The following MCU variants were observed in gnomAD, a reference collection of about 807,000 sequenced individuals.
The protein encoded by MCU is mitochondrial calcium uniporter.
Under a neutral mutation model 45.2 loss-of-function variants are expected in MCU, and 12 were observed. The observed-to-expected ratio is 0.27, with a 90% confidence interval of 0.17 to 0.43. The LOEUF (loss-of-function observed/expected upper bound fraction) is 0.43. Ranked by LOEUF, MCU falls within the 20% of genes least tolerant of loss-of-function variation. MCU has a pLI of 1.00. For synonymous variants in MCU, 160 were observed against 165.1 expected (o/e 0.97, Z 0.24); for missense variants, 324 against 436.7 (o/e 0.74, Z 2.30).
chr10:72,749,273 A>G (rs1228314706), intron 1 of MCU, among the ~76,000 whole-genome samples: 1 of 152,198 alleles, frequency 6.6e-6, no homozygotes, highest in Non-Finnish European at 1.5e-5. Context: ...CGACTGAGTG[A>G]AAAACCTTGC....
At position 72,873,013 on chromosome 10, in the gene MCU, G is replaced by GTTTTT. The variant is rs1193681306; in HGVS notation, c.861+1452_861+1456dup. On this transcript the variant is annotated intron_variant, in intron 6 of 7. Transcript: ENST00000373053. ...TTGTTTTTGTTTTTTTGTTTTTTGGGTTTTTTTTTTTTTTTTTTTTTTTGA... is the reference window on the plus strand; with the variant it reads ...TTGTTTTTGTTTTTTTGTTTTTTGGGTTTTTTTTTTTTTTTTTTTTTTTTTTTTGA... Among the ~76,000 whole-genome samples the GTTTTT allele has an allele frequency of 2.8e-4, 25 of 88,850 alleles. 1 individual carries two copies. Among genetic ancestry groups the GTTTTT allele is most frequent in the East Asian group, 2.0e-3 (6 of 3,048 alleles). 58.3% of individuals were successfully genotyped at this position (88,850 alleles called of 152,430 possible).
At chr10:72,819,156 G>A (rs1261454510) in intron 1 of MCU, among the ~76,000 whole-genome samples, 1 of 152,170 alleles carries the variant, frequency 6.6e-6, no homozygotes, top group Non-Finnish European at 1.5e-5. Flanking sequence ...CAATAGCAGA[G>A]AGGGATTTAG....
rs1257373368 is a variant in MCU, at chr10:72,868,777, T to C, written c.571T>C (p.Cys191Arg). 6.2e-7 allele frequency: 1 copy of C among 1,614,150 alleles called. No homozygotes were observed. The highest frequency in any genetic ancestry group is 1.6e-4 in the Middle Eastern group (1 of 6,062). The change falls in exon 5 of 8, where the codon TGC becomes CGC. Residue 191 changes from cysteine to arginine, a missense_variant. Physicochemically the swap from Cys to Arg is radical, Grantham distance 180 (BLOSUM62 -3). This residue lies in a region of MCU where 135 missense variants were observed against 207.3 expected (regional missense o/e 0.65). Transcript: ENST00000373053. ...TLVQQLYTTL[C>R]IEQHQLNKER... Reference sequence around the variant, plus strand: ...GGTCCAGCAACTATACACCACACTGTGCATTGAGCAGCACCAGTTAAACAA... The same window carrying C: ...GGTCCAGCAACTATACACCACACTGCGCATTGAGCAGCACCAGTTAAACAA...
intron 1 of MCU, among the ~76,000 whole-genome samples, chr10:72,774,038 T>G (rs1389222538): frequency 6.6e-6 from 1 of 152,180 alleles, no homozygotes; most frequent in African/African-American, 2.4e-5. Context: ...GGAAAACTTT[T>G]CAACATATAA....
chr10:72,715,131 CAGTGATTGGCA>C, intron 1 of MCU: 1 of 981,130 alleles, frequency 1.0e-6, no homozygotes, highest in South Asian at 4.7e-5. Context: ...ACCATTCCTA[CAGTGATTGGCA>C]AGATACCGTT....
intron 1 of MCU, among the ~76,000 whole-genome samples, chr10:72,767,850 A>G (rs529696205): frequency 6.6e-6 from 1 of 152,338 alleles, no homozygotes; most frequent in South Asian, 2.1e-4. Context: ...TCTTATAGGA[A>G]TGAAAAGGGA....
intron 1 of MCU, chr10:72,730,727 G>A (rs1032999820): frequency 1.3e-5 from 2 of 152,186 alleles, no homozygotes; most frequent in Non-Finnish European, 2.9e-5. Flanking sequence ...AAAATGAGAA[G>A]ACAAAATCCC....
At position 72,722,252 on chromosome 10, in the gene MCU, A is replaced by G. The variant is rs189218521; in HGVS notation, c.150+29951A>G. Among the ~76,000 whole-genome samples the G allele has an allele frequency of 1.8e-3, 245 of 137,038 alleles. 7 individuals carry two copies. The East Asian group carries it at 0.052, about 29-fold the overall frequency. 89.9% of individuals were successfully genotyped at this position (137,038 alleles called of 152,430 possible). A position where few individuals can be genotyped will look rare whatever the true frequency, so the allele number is the denominator to read the frequency against. On this transcript the variant is annotated intron_variant, in intron 1 of 7. Transcript: ENST00000373053. ...AATCACTTGAACCCGGGAGGCAGAG[A>G]TTGCAGTGAGCGGAGATTGCACCTT... is the stretch of plus-strand genomic sequence containing the variant.
At chr10:72,724,014 T>G (rs1429686409) in intron 1 of MCU, among the ~76,000 whole-genome samples, 10 of 152,216 alleles carry the variant, frequency 6.6e-5, no homozygotes. Flanking sequence ...CATCCTTTTG[T>G]CTCTAGATTT....
At chr10:72,859,818 AG>A (rs1196706304) in intron 3 of MCU, among the ~76,000 whole-genome samples, 1 of 152,140 alleles carries the variant, frequency 6.6e-6, no homozygotes, top group Admixed American at 6.5e-5. Context: ...AATCTTTTTA[AG>A]TTTTTTTCCC....
intron 1 of MCU, among the ~76,000 whole-genome samples, chr10:72,810,762 T>TAATCCCCAAA (rs1844531706): frequency 6.6e-6 from 1 of 152,134 alleles, no homozygotes; most frequent in Non-Finnish European, 1.5e-5. Context: ...CCCAAAGTGC[T>TAATCCCCAAA]GGGATTACAG....
At chr10:72,859,056 C>A in intron 2 of MCU, 121 bp from the exon 3 acceptor site, 1 of 990,362 alleles carries the variant, frequency 1.0e-6, no homozygotes, top group Admixed American at 2.7e-5. Flanking sequence ...TGTTCTTAAA[C>A]CTTCTTTGAA....
chr10:72,869,657 A>G (rs1281340876), intron 5 of MCU, among the ~76,000 whole-genome samples: 1 of 152,210 alleles, frequency 6.6e-6, no homozygotes, highest in Non-Finnish European at 1.5e-5. Context: ...AATTTTAAAA[A>G]TCAATATAAT....
At position 72,846,946 on chromosome 10, in the gene MCU, A is replaced by G. The variant is rs543768904; in HGVS notation, c.221-12231A>G. Among the ~76,000 whole-genome samples the G allele has an allele frequency of 4.6e-5, 7 of 152,292 alleles. No homozygotes were observed. The South Asian group carries it at 1.2e-3, about 27-fold the overall frequency. The stretch of plus-strand genomic sequence containing the variant: ...ACTTCCTCCCAGTGTGGTCAGGGAG[A>G]CAGCTGAGCTTTAGATGTCAGTGTA... On this transcript the variant is annotated intron_variant, in intron 2 of 7. Transcript: ENST00000373053.
At chr10:72,828,746 C>T (rs1844834663) in intron 1 of MCU, among the ~76,000 whole-genome samples, 1 of 152,044 alleles carries the variant, frequency 6.6e-6, no homozygotes, top group Non-Finnish European at 1.5e-5. Context: ...TCTTTTTTAT[C>T]ATTCTAATTT....
At chr10:72,840,062 G>A (rs1474270674) in intron 2 of MCU, among the ~76,000 whole-genome samples, 1 of 151,710 alleles carries the variant, frequency 6.6e-6, no homozygotes. Flanking sequence ...CTTATGAATG[G>A]AATGGTTGGG....
intron 1 of MCU, among the ~76,000 whole-genome samples, chr10:72,722,653 G>A (rs1187902377): frequency 6.6e-6 from 1 of 151,846 alleles, no homozygotes; most frequent in African/African-American, 2.4e-5. Flanking sequence ...CATTTTTGGG[G>A]GGAGTTTGAT....
rs1399400976 is a variant in MCU at position 72,859,205 on chromosome 10, A to G, written c.249A>G (p.Leu83=). ...DDVTVVYQNG[L]PVISVRLPSR... is the part of the protein sequence containing the mutation. ...TTACAGTGGTTTATCAAAATGGGTT[A>G]CCTGTGATATCTGTGAGGCTACCAT... is the stretch of plus-strand genomic sequence containing the variant. The change falls in exon 3 of 8, where the codon TTA becomes TTG. Residue 83 remains leucine, a synonymous_variant. Transcript: ENST00000373053. 2.5e-6 allele frequency: 4 copies of G among 1,606,374 alleles called. No individual in the cohort carries two copies. The highest frequency in any genetic ancestry group is 1.7e-5 in the Admixed American group (1 of 58,124).
In MCU at chr10:72,726,590, G is replaced by A. The variant is rs1843105372; in HGVS notation, c.150+34289G>A. 1.3e-5 allele frequency among the ~76,000 whole-genome samples: 2 copies of A among 151,632 alleles called. 1 individual carries two copies. The highest frequency in any genetic ancestry group is 2.9e-5 in the Non-Finnish European group (2 of 67,940). The stretch of plus-strand genomic sequence containing the variant: ...AGGTACGTTTATGAGATAAGTAGTG[G>A]GATTTCTGGTTCAAAGTATATGTAC... On this transcript the variant is annotated intron_variant, in intron 1 of 7. Coordinates refer to ENST00000373053, the MANE Select transcript of MCU (RefSeq NM_138357.3).
Sources: gnomAD v4.1 joint callset for allele counts (sites outside exome capture counted in the v4.1 genomes callset) on GRCh38, gnomAD v4.1.1 for gene constraint, gnomAD v4.1.1 regional missense constraint, MANE v1.5 for transcripts, NCBI Gene and HGNC (gene_info 2026-07-23, HGNC 2026-07-21) for gene names.